The following ATP7B variants were observed in gnomAD, a reference collection of about 807,000 sequenced individuals.
ATP7B encodes copper-transporting ATPase 2.
ATP7B carries 113 observed loss-of-function variants against 118.9 expected under a neutral mutation model. The ratio of observed to expected loss-of-function variants is 0.95; its 90% CI spans 0.82 to 1.11. ATP7B has a LOEUF of 1.11. Ranked by LOEUF, ATP7B falls within the 50% of genes most tolerant of loss-of-function variation. The pLI is 0.00. For synonymous variants in ATP7B, 777 were observed against 727.4 expected (o/e 1.07, Z -1.10); for missense variants, 1,867 against 1,871.4 (o/e 1.00, Z 0.04).
intron 13 of ATP7B, 89 bp from the exon 14 acceptor site, chr13:51,944,380 G>T: frequency 6.6e-7 from 1 of 1,519,324 alleles, no homozygotes; most frequent in Non-Finnish European, 9.0e-7. Flanking sequence ...CACCCAACCT[G>T]CCTCAGACAG....
At chr13:51,948,357 C>T (rs1167442136) in intron 12 of ATP7B, among the ~76,000 whole-genome samples, 2 of 152,126 alleles carry the variant, frequency 1.3e-5, no homozygotes, top group East Asian at 1.9e-4. Context: ...CTCAAATGAT[C>T]CTCTGCCTTA....
At chr13:51,966,009 G>C (rs1951529106) in intron 4 of ATP7B, among the ~76,000 whole-genome samples, 1 of 152,206 alleles carries the variant, frequency 6.6e-6, no homozygotes, top group East Asian at 1.9e-4. Context: ...AAATGGGACT[G>C]CAAGGACCAC....
chr13:51,965,043 A>G lies in ATP7B; in HGVS notation c.1708-10T>C. The G allele has an allele frequency of 6.2e-7, 1 of 1,613,976 alleles. No homozygotes were observed. Among genetic ancestry groups the G allele is most frequent in the South Asian group, 1.1e-5 (1 of 91,080 alleles). On this transcript the variant is annotated splice_polypyrimidine_tract_variant and intron_variant, in intron 4 of 20. Coordinates refer to ENST00000242839, the MANE Select transcript of ATP7B (RefSeq NM_000053.4). ...AGGTCATCCCTGTGATCTGCAACAC[A>G]GGATGGCAAGAATCCCACAGACCCA...
chr13:51,966,867 T>A, intron 4 of ATP7B: 1 of 1,612,898 alleles, frequency 6.2e-7, no homozygotes, highest in Non-Finnish European at 8.5e-7. Context: ...CCAAGCCAGA[T>A]TGTATCATCA....
chr13:51,974,886 C>A lies in ATP7B; in HGVS notation c.334G>T (p.Val112Phe). 6.2e-7 allele frequency: 1 copy of A among 1,614,244 alleles called. No individual in the cohort carries two copies. The highest frequency in any genetic ancestry group is 1.1e-5 in the South Asian group (1 of 91,086). ...YVPSVVCLQQVCHQIGDMGFE... is the reference protein window; with the variant it reads ...YVPSVVCLQQFCHQIGDMGFE... ...CCCATGTCCCCAATTTGATGGCAAA[C>A]CTGTTGCAGGCACACAACCGATGGC... is the stretch of plus-strand genomic sequence containing the variant. The change falls in exon 2 of 21, where the codon GTT (valine) becomes TTT (phenylalanine). Residue 112 changes from valine (V) to phenylalanine (F), a missense_variant. Physicochemically the swap from Val to Phe is conservative, Grantham distance 50. Transcript: ENST00000242839.
At position 51,974,967 on chromosome 13, in the gene ATP7B, C is replaced by T. The variant is rs1952033474; in HGVS notation, c.253G>A (p.Gly85Ser). The change falls in exon 2 of 21, where the codon GGC becomes AGC. Residue 85 changes from glycine to serine, a missense_variant. Coordinates refer to ENST00000242839, the MANE Select transcript of ATP7B (RefSeq NM_000053.4). ...AGGGAAACCTTCATGCTGATGATGC[C>T]TTTCAAATTGGAAATCCTGTCCTCA... ...SIEDRISNLK[G>S]IISMKVSLEQ... 1 of 1,614,102 alleles carries T rather than the reference C, an allele frequency of 6.2e-7. No individual in the cohort carries two copies. Among genetic ancestry groups the T allele is most frequent in the African/African-American group, 1.3e-5 (1 of 74,924 alleles).
At chr13:52,004,849 C>T (rs2140599126) in intron 1 of ATP7B, among the ~76,000 whole-genome samples, 1 of 152,292 alleles carries the variant, frequency 6.6e-6, no homozygotes, top group African/African-American at 2.4e-5. Context: ...CCGGGTTCTC[C>T]AAGACATCCT....
At chr13:51,947,401 C>T (rs914534791) in intron 12 of ATP7B, among the ~76,000 whole-genome samples, 1 of 151,768 alleles carries the variant, frequency 6.6e-6, no homozygotes, top group African/African-American at 2.4e-5. Context: ...ACTTTCCAGA[C>T]ACTTGGTATT....
chr13:52,011,133 G>A (rs1333971988), intron 1 of ATP7B, among the ~76,000 whole-genome samples, 154 bp downstream of exon 1: 1 of 152,236 alleles, frequency 6.6e-6, no homozygotes, highest in African/African-American at 2.4e-5. Context: ...TTTCTAAAGG[G>A]TCCTTTTCTC....
chr13:51,970,827 T>G, intron 2 of ATP7B, 78 bp from the exon 3 acceptor site: 26 of 1,497,276 alleles, frequency 1.7e-5, no homozygotes, highest in Non-Finnish European at 2.3e-5. Flanking sequence ...TTCAGGGCTC[T>G]TGGTGAGGGT....
At chr13:52,006,508 A>C (rs1953779372) in intron 1 of ATP7B, among the ~76,000 whole-genome samples, 1 of 152,176 alleles carries the variant, frequency 6.6e-6, no homozygotes, top group Non-Finnish European at 1.5e-5. Context: ...CCCAACTTAC[A>C]GTTCTTTTTC....
At chr13:51,935,316 T>TCATA (rs2138433014) in intron 20 of ATP7B, among the ~76,000 whole-genome samples, 1 of 152,254 alleles carries the variant, frequency 6.6e-6, no homozygotes, top group East Asian at 1.9e-4. Flanking sequence ...AAGTGATAGA[T>TCATA]CATACACAGG....
intron 4 of ATP7B, chr13:51,967,118 C>T: frequency 6.3e-7 from 1 of 1,593,826 alleles, no homozygotes; most frequent in South Asian, 1.1e-5. Context: ...AACAATGTCA[C>T]CTGTACTCGG....
chr13:51,966,824 T>C (rs1319608117), intron 4 of ATP7B: 2 of 1,612,326 alleles, frequency 1.2e-6, no homozygotes, highest in African/African-American at 1.3e-5. Context: ...GAGCTAGGAG[T>C]GGGAATAGCT....
chr13:52,010,656 T>A (rs1953978562), intron 1 of ATP7B, among the ~76,000 whole-genome samples: 1 of 152,212 alleles, frequency 6.6e-6, no homozygotes, highest in Admixed American at 6.5e-5. Context: ...ACCTAAAGAT[T>A]TCTCTGAATG....
intron 3 of ATP7B, among the ~76,000 whole-genome samples, chr13:51,969,480 A>C (rs568017012): frequency 6.6e-6 from 1 of 152,270 alleles, no homozygotes; most frequent in African/African-American, 2.4e-5. Flanking sequence ...TACAAGGAAA[A>C]AATAAAGAAT....
intron 7 of ATP7B, 184 bp from the exon 8 acceptor site, chr13:51,958,728 G>A: frequency 3.1e-6 from 2 of 636,708 alleles, no homozygotes; most frequent in South Asian, 3.6e-5. Flanking sequence ...CTGTCCACAG[G>A]AATGGATGAC....
At chr13:51,946,616 C>G in intron 12 of ATP7B, 138 bp from the exon 13 acceptor site, 1 of 902,426 alleles carries the variant, frequency 1.1e-6, no homozygotes, top group Non-Finnish European at 1.8e-6. Flanking sequence ...TGGTATTCCA[C>G]ACTGCTCTGC....
chr13:51,961,340 T>C (rs917322727), intron 6 of ATP7B, among the ~76,000 whole-genome samples: 21 of 151,958 alleles, frequency 1.4e-4, no homozygotes, highest in African/African-American at 5.1e-4. Flanking sequence ...TAACTGGCCA[T>C]CTGAAATAAT....
Sources: gnomAD v4.1 joint callset for allele counts (sites outside exome capture counted in the v4.1 genomes callset) on GRCh38, gnomAD v4.1.1 for gene constraint, MANE v1.5 for transcripts, NCBI Gene and HGNC (gene_info 2026-07-23, HGNC 2026-07-21) for gene names.